The following TANC1 variants were observed in gnomAD, a reference collection of about 807,000 sequenced individuals.
TANC1 encodes tetratricopeptide repeat, ankyrin repeat and coiled-coil containing 1.
A neutral mutation model predicts 149.7 loss-of-function variants in TANC1; 77 were observed. The ratio of observed to expected loss-of-function variants is 0.51; its 90% CI spans 0.43 to 0.62. The LOEUF (loss-of-function observed/expected upper bound fraction) is 0.62. Ranked by LOEUF, TANC1 falls within the 20% of genes least tolerant of loss-of-function variation. The probability of loss-of-function intolerance (pLI) is 0.00; values close to 1 mark genes in which losing one functional copy is unlikely to be tolerated. For missense variants in TANC1, 1,985 were observed against 2,321.8 expected (o/e 0.85, Z 2.98); for synonymous variants, 854 against 925.0 (o/e 0.92, Z 1.39).
At chr2:159,082,901 A>G (rs2044424459) in intron 3 of TANC1, among the ~76,000 whole-genome samples, 1 of 152,098 alleles carries the variant, frequency 6.6e-6, no homozygotes, top group African/African-American at 2.4e-5. Context: ...CTTAAGACCT[A>G]CCGAATTTAG....
chr2:158,976,641 G>C (rs556835493), intron 1 of TANC1, among the ~76,000 whole-genome samples: 1 of 152,316 alleles, frequency 6.6e-6, no homozygotes, highest in African/African-American at 2.4e-5. Flanking sequence ...AGCACTTTGG[G>C]AGGCCAAGGC....
rs200317238 is a variant in TANC1, at chr2:159,230,385, C to T, written c.4959C>T (p.Asp1653=). Residue 1653 remains aspartate (D), a synonymous_variant, in exon 27 of 27, where the codon GAC becomes GAT. Coordinates refer to ENST00000263635, the MANE Select transcript of TANC1 (RefSeq NM_033394.3). The surrounding 1 kb of genome is among the most constrained non-coding windows in gnomAD (Gnocchi z 4.4). ...AAGGTGGGCTGGCGACCTGCAGCGA[C>T]GTGCGACACCCAGCTTCCCTCACCA... The part of the protein sequence containing the change: ...PNQGGLATCS[D]VRHPASLTSS... 3.6e-5 allele frequency: 58 copies of T among 1,614,172 alleles called. No individual in the cohort carries two copies. Among genetic ancestry groups the T allele is most frequent in the East Asian group, 4.5e-5 (2 of 44,876 alleles).
At chr2:159,191,717 A>C (rs1214107414) in intron 16 of TANC1, among the ~76,000 whole-genome samples, 1 of 152,114 alleles carries the variant, frequency 6.6e-6, no homozygotes, top group East Asian at 1.9e-4. Flanking sequence ...AATTTTCCAG[A>C]CCCATTTGTT....
At chr2:159,176,544 T>TC in intron 13 of TANC1, 26 bp downstream of exon 13, 1 of 1,555,728 alleles carries the variant, frequency 6.4e-7, no homozygotes, top group Non-Finnish European at 8.7e-7. Context: ...CAAATCTTTC[T>TC]CCAAGTCCCC....
At chr2:158,970,283 A>T (rs2032659860) in intron 1 of TANC1, among the ~76,000 whole-genome samples, 1 of 152,056 alleles carries the variant, frequency 6.6e-6, no homozygotes, top group Non-Finnish European at 1.5e-5. Context: ...TTCCTTGGTC[A>T]TCTTTATTCC....
chr2:158,982,522 C>T (rs1291315445), intron 1 of TANC1, among the ~76,000 whole-genome samples: 10 of 152,260 alleles, frequency 6.6e-5, no homozygotes, highest in Admixed American at 3.3e-4. Context: ...GGCTTAGCAC[C>T]GTGCATGGAT....
rs562457221 is a variant in TANC1 at position 159,188,447 on chromosome 2, C to A, written c.2742+1423C>A. Among the ~76,000 whole-genome samples the A allele has an allele frequency of 5.3e-5, 8 of 152,346 alleles. No individual in the cohort carries two copies. The East Asian group carries it at 1.3e-3, about 26-fold the overall frequency. ...GCCAGGATGGGGCCAGCCTGGGCCC[C>A]GCTGGCCCACTGGAGTCCCATCCAG... On this transcript the variant is annotated intron_variant, in intron 16 of 26. Coordinates refer to ENST00000263635, the MANE Select transcript of TANC1 (RefSeq NM_033394.3).
intron 4 of TANC1, among the ~76,000 whole-genome samples, chr2:159,110,021 A>C (rs1057341073): frequency 6.6e-6 from 1 of 152,370 alleles, no homozygotes; most frequent in Non-Finnish European, 1.5e-5. Context: ...AAAGAAATTC[A>C]TGGTAGTTTT....
At chr2:159,150,030 G>A in intron 6 of TANC1, 2 of 203,612 alleles carry the variant, frequency 9.8e-6, no homozygotes, top group South Asian at 2.2e-4. Context: ...GTCTTCTGCA[G>A]ACTTCAAATG....
At chr2:159,211,949 G>C (rs1198850437) in intron 19 of TANC1, among the ~76,000 whole-genome samples, 1 of 152,192 alleles carries the variant, frequency 6.6e-6, no homozygotes, top group Non-Finnish European at 1.5e-5. Flanking sequence ...CCATGCCCGG[G>C]GTGGCGCACT....
intron 1 of TANC1, among the ~76,000 whole-genome samples, chr2:158,999,911 T>C (rs935177113): frequency 1.2e-4 from 19 of 152,218 alleles, no homozygotes; most frequent in Non-Finnish European, 2.5e-4. Flanking sequence ...AGTGGAGTAT[T>C]AGAGAAGCTG....
At chr2:159,214,141 A>AG (rs145466185) in intron 19 of TANC1, among the ~76,000 whole-genome samples, 1 of 112,522 alleles carries the variant, frequency 8.9e-6, no homozygotes, top group African/African-American at 3.7e-5. Flanking sequence ...AAAAAAAAAA[A>AG]GGGGGAATTT....
At chr2:159,218,415 T>G (rs1372069086) in intron 20 of TANC1, among the ~76,000 whole-genome samples, 4 of 152,212 alleles carry the variant, frequency 2.6e-5, no homozygotes, top group African/African-American at 9.6e-5. Flanking sequence ...CTGCTTCACC[T>G]TGATCATCTG....
intron 2 of TANC1, among the ~76,000 whole-genome samples, chr2:159,044,781 G>C (rs1268605280): frequency 6.6e-6 from 1 of 152,202 alleles, no homozygotes; most frequent in Non-Finnish European, 1.5e-5. Context: ...TGGGGGTCAA[G>C]ATAAAAGGAG....
intron 3 of TANC1, among the ~76,000 whole-genome samples, chr2:159,073,811 A>G (rs1034205420): frequency 6.6e-6 from 1 of 152,202 alleles, no homozygotes; most frequent in Non-Finnish European, 1.5e-5. Context: ...TCTATCCTAC[A>G]GGAATGTAAA....
intron 19 of TANC1, among the ~76,000 whole-genome samples, chr2:159,199,282 G>C (rs1038158238): frequency 1.3e-5 from 2 of 152,186 alleles, no homozygotes; most frequent in Non-Finnish European, 2.9e-5. Flanking sequence ...TTTTGAATTA[G>C]ACTAGCAGTT....
intron 2 of TANC1, among the ~76,000 whole-genome samples, chr2:159,010,525 G>T (rs1467975615): frequency 6.6e-6 from 1 of 152,114 alleles, no homozygotes; most frequent in African/African-American, 2.4e-5. Context: ...CCGTGGGTGC[G>T]TCGGGGGAGG....
intron 2 of TANC1, among the ~76,000 whole-genome samples, chr2:159,026,288 G>C (rs2039334954): frequency 6.6e-6 from 1 of 152,192 alleles, no homozygotes; most frequent in Admixed American, 6.5e-5. Flanking sequence ...GCCTTTAAAA[G>C]CTGTTGCCTA....
intron 4 of TANC1, among the ~76,000 whole-genome samples, chr2:159,126,818 T>A (rs2049500099): frequency 1.3e-5 from 2 of 152,244 alleles, no homozygotes; most frequent in Non-Finnish European, 1.5e-5. Context: ...ACCGAGAGCA[T>A]CGAGAGTTCA....
Sources: gnomAD v4.1 joint callset for allele counts (sites outside exome capture counted in the v4.1 genomes callset) on GRCh38, gnomAD v4.1.1 for gene constraint, Gnocchi (gnomAD v3.1) non-coding constraint, MANE v1.5 for transcripts, NCBI Gene and HGNC (gene_info 2026-07-23, HGNC 2026-07-21) for gene names.